The following POC5 variants were observed in gnomAD, a reference collection of about 807,000 sequenced individuals.
POC5 encodes the protein POC5 centriolar protein.
POC5 carries 48 observed loss-of-function variants against 62.9 expected under a neutral mutation model. The observed-to-expected ratio is 0.76, with a 90% CI of 0.61 to 0.97. The LOEUF is 0.97. Among genes scored for constraint, POC5 ranks in the 50% least tolerant of loss-of-function variants. The pLI is 0.00. For synonymous variants in POC5, 236 were observed against 228.2 expected, an observed-to-expected ratio of 1.03 and a Z score of -0.31; for missense variants, 696 against 679.5, an observed-to-expected ratio of 1.02 and a Z score of -0.27.
At position 75,674,294 on chromosome 5, in the gene POC5, G is replaced by A; in HGVS notation, c.*141C>T. The A allele has an allele frequency of 1.3e-6, 1 of 786,330 alleles. No homozygotes were observed. Among genetic ancestry groups the A allele is most frequent in the East Asian group, 2.7e-5 (1 of 37,070 alleles). The allele number at this position is 786,330 out of a possible 1,614,324, so 48.7% of individuals were successfully genotyped here. On this transcript the variant is annotated 3_prime_UTR_variant, in exon 12 of 12. Coordinates refer to ENST00000428202, the MANE Select transcript of POC5 (RefSeq NM_001099271.2). ...ATAGTTACAAAGCATGGTAGAGCTT[G>A]AAAAAGCCTCTTGTAATTTTGAACA...
intron 5 of POC5, among the ~76,000 whole-genome samples, chr5:75,701,114 T>C (rs1316544569): frequency 1.5e-5 from 2 of 129,142 alleles, no homozygotes; most frequent in African/African-American, 2.7e-5. Context: ...ACTTTTACAC[T>C]GTTGGTGGGA....
At chr5:75,715,757 T>C (rs1190457126) in intron 1 of POC5, among the ~76,000 whole-genome samples, 2 of 152,208 alleles carry the variant, frequency 1.3e-5, no homozygotes, top group South Asian at 2.1e-4. Context: ...GAGGGGACCA[T>C]AGCCCTAATA....
At chr5:75,687,663 G>A (rs1220118606) in intron 9 of POC5, among the ~76,000 whole-genome samples, 1 of 152,308 alleles carries the variant, frequency 6.6e-6, no homozygotes, top group African/African-American at 2.4e-5. Flanking sequence ...TACATTTTAA[G>A]ATGGTAAATG....
At chr5:75,675,306 C>T (rs768945231) in intron 11 of POC5, among the ~76,000 whole-genome samples, 6 of 152,158 alleles carry the variant, frequency 3.9e-5, no homozygotes, top group African/African-American at 1.2e-4. Context: ...CTATTAAACC[C>T]GATAAAGCTT....
At chr5:75,683,032 G>A (rs194137) in intron 10 of POC5, among the ~76,000 whole-genome samples, 114,903 of 152,130 alleles carry the variant, frequency 0.76, 43,606 homozygotes, top group East Asian at 0.87. Context: ...ACAGACAGCC[G>A]TCCAGAGCAA....
intron 6 of POC5, among the ~76,000 whole-genome samples, chr5:75,693,220 C>T (rs1041662766): frequency 2.0e-5 from 3 of 150,274 alleles, no homozygotes; most frequent in Non-Finnish European, 4.4e-5. Flanking sequence ...TGTACTTCTT[C>T]AGTGATATTA....
chr5:75,701,111 C>G (rs1433819505), intron 5 of POC5, among the ~76,000 whole-genome samples: 2 of 128,380 alleles, frequency 1.6e-5, no homozygotes, highest in Non-Finnish European at 3.5e-5. Context: ...AACACTTTTA[C>G]ACTGTTGGTG....
rs1410107964 is a variant in POC5, at chr5:75,690,562, C to A, written c.796G>T (p.Val266Phe). The A allele has an allele frequency of 7.7e-6, 12 of 1,551,270 alleles. No homozygotes were observed. In the African/African-American group the frequency reaches 1.5e-4, roughly 20 times the overall value. Residue 266 changes from valine (V) to phenylalanine (F), a missense_variant and splice_region_variant, in exon 8 of 12, where the codon GTT becomes TTT. By Grantham distance (50) the Val-to-Phe change is conservative. Coordinates refer to ENST00000428202, the MANE Select transcript of POC5 (RefSeq NM_001099271.2). ...RIGHVRARQD[V>F]YEGKLADQYY... ...TGGTCAGCTAGTTTACCTTCATAAA[C>A]CTAAATAAAAGTAAAATATAACTTC...
chr5:75,678,681 TTGTC>T (rs1198107906), intron 10 of POC5, among the ~76,000 whole-genome samples: 4 of 152,186 alleles, frequency 2.6e-5, no homozygotes, highest in African/African-American at 4.8e-5. Flanking sequence ...ACATACTACT[TTGTC>T]TTTCTTTTTC....
At chr5:75,683,408 T>C (rs751567877) in intron 10 of POC5, among the ~76,000 whole-genome samples, 1 of 151,892 alleles carries the variant, frequency 6.6e-6, no homozygotes, top group Non-Finnish European at 1.5e-5. Flanking sequence ...TAATTTTTTA[T>C]ATTTTTAGTA....
intron 11 of POC5, among the ~76,000 whole-genome samples, chr5:75,676,212 T>C (rs1008272831): frequency 7.2e-5 from 11 of 152,344 alleles, no homozygotes; most frequent in Admixed American, 1.3e-4. Flanking sequence ...TACACCTTCT[T>C]TACCTCACAA....
chr5:75,679,050 T>C (rs1387855707), intron 10 of POC5, among the ~76,000 whole-genome samples: 2 of 152,188 alleles, frequency 1.3e-5, no homozygotes, highest in Admixed American at 6.5e-5. Context: ...AATTTAATAG[T>C]TCCTGACGAG....
At position 75,677,929 on chromosome 5, in the gene POC5, A is replaced by C. The variant is rs754896533; in HGVS notation, c.1429T>G (p.Ser477Ala). The C allele has an allele frequency of 6.3e-7, 1 of 1,596,162 alleles. No homozygotes were observed. The highest frequency in any genetic ancestry group is 1.1e-5 in the South Asian group (1 of 88,226). Residue 477 changes from serine to alanine, a missense_variant, in exon 11 of 12, where the codon TCT (serine) becomes GCT (alanine). By Grantham distance (99) the Ser-to-Ala change is moderately conservative. Coordinates refer to ENST00000428202, the MANE Select transcript of POC5 (RefSeq NM_001099271.2). ...GTTCTTCCTGCTTTCTGTTGTGCAG[A>C]GGTTACAACTCTTGGCACATACTAA... ...EEMYVPRVVT[S>A]AQQKAGRTIT...
chr5:75,697,209 C>T (rs1776642495), intron 5 of POC5, among the ~76,000 whole-genome samples: 1 of 152,076 alleles, frequency 6.6e-6, no homozygotes, highest in East Asian at 1.9e-4. Flanking sequence ...CAGAGAACGC[C>T]ACAAAGATAC....
chr5:75,695,249 G>T (rs1776512620), intron 5 of POC5, among the ~76,000 whole-genome samples: 1 of 152,190 alleles, frequency 6.6e-6, no homozygotes, highest in Non-Finnish European at 1.5e-5. Flanking sequence ...AAGAAACCAT[G>T]AGAGTTGATA....
At chr5:75,686,961 C>A (rs183803187) in intron 9 of POC5, among the ~76,000 whole-genome samples, 1 of 152,124 alleles carries the variant, frequency 6.6e-6, no homozygotes. Context: ...AAATAAAAAA[C>A]CAAATATTTA....
intron 10 of POC5, among the ~76,000 whole-genome samples, chr5:75,683,745 C>T (rs139952755): frequency 2.0e-5 from 3 of 152,076 alleles, no homozygotes; most frequent in Non-Finnish European, 2.9e-5. Context: ...TGCTCGTTGC[C>T]CAGGCTGGAG....
chr5:75,690,470 C>A lies in POC5; in HGVS notation c.888G>T (p.Trp296Cys), dbSNP rs745837144. Residue 296 changes from tryptophan to cysteine, a missense_variant, in exon 8 of 12, where the codon TGG becomes TGT. Coordinates refer to ENST00000428202, the MANE Select transcript of POC5 (RefSeq NM_001099271.2). ...KVWRSVVQKQ[W>C]KDVVERACQA... ...GACAAGCTCTTTCTACCACATCTTT[C>A]CACTGCTTTTGCACTACGGAACGCC... is the stretch of plus-strand genomic sequence containing the variant. 3.3e-5 allele frequency: 53 copies of A among 1,611,222 alleles called. 1 individual carries two copies. The South Asian group carries it at 5.9e-4, about 18-fold the overall frequency.
chr5:75,688,303 C>A (rs1214655428), intron 9 of POC5, among the ~76,000 whole-genome samples: 1 of 152,140 alleles, frequency 6.6e-6, no homozygotes, highest in Non-Finnish European at 1.5e-5. Flanking sequence ...TGTTTTACTG[C>A]ATCCCACAAG....
Sources: allele counts gnomAD v4.1 joint callset (sites outside exome capture counted in the v4.1 genomes callset), GRCh38; gene constraint gnomAD v4.1.1; transcripts MANE v1.5; gene names NCBI Gene and HGNC (gene_info 2026-07-23, HGNC 2026-07-21).